IPO11: variants seen among roughly 807,000 people sequenced by gnomAD.
The protein encoded by IPO11 is importin-11.
A neutral mutation model predicts 143.2 loss-of-function variants in IPO11; 66 were observed. The observed-to-expected ratio is 0.46, with a 90% CI of 0.38 to 0.57. The LOEUF (loss-of-function observed/expected upper bound fraction) is 0.57, where lower values mean the gene tolerates loss of function less well. IPO11 is among the 20% of genes least tolerant of loss of function. The pLI is 0.00. For synonymous variants in IPO11, 385 were observed against 377.8 expected (o/e 1.02, Z -0.22); for missense variants, 1,026 against 1,141.0 (o/e 0.90, Z 1.45).
chr5:62,451,783 C>G lies in IPO11; in HGVS notation c.366C>G (p.Pro122=), dbSNP rs749620572. 1 of 1,614,132 alleles carries G rather than the reference C, an allele frequency of 6.2e-7. No homozygotes were observed. Among genetic ancestry groups the G allele is most frequent in the South Asian group, 1.1e-5 (1 of 91,076 alleles). The change falls in exon 5 of 30, where the codon CCC becomes CCG. Residue 122 remains proline (P), a synonymous_variant. Coordinates refer to ENST00000325324, the MANE Select transcript of IPO11 (RefSeq NM_016338.5). ...LIAKVARLDC[P]RQWPELIPTL... is the part of the protein sequence containing the mutation. ...CAAAAGTTGCTAGATTGGATTGTCC[C>G]AGACAGTGGCCTGAACTAATTCCCA... is the stretch of plus-strand genomic sequence containing the variant.
chr5:62,438,831 G>A (rs777817902), intron 2 of IPO11, among the ~76,000 whole-genome samples: 5 of 151,944 alleles, frequency 3.3e-5, no homozygotes, highest in African/African-American at 9.7e-5. Flanking sequence ...AGGCCAAGGC[G>A]GGCGAATCAC....
At chr5:62,589,289 T>C (rs1744925512) in intron 27 of IPO11, among the ~76,000 whole-genome samples, 1 of 152,172 alleles carries the variant, frequency 6.6e-6, no homozygotes. Context: ...CTTCCTCAGC[T>C]TAGAACCTGA....
At chr5:62,486,589 T>C (rs1746414768) in intron 12 of IPO11, among the ~76,000 whole-genome samples, 1 of 152,228 alleles carries the variant, frequency 6.6e-6, no homozygotes, top group Non-Finnish European at 1.5e-5. Flanking sequence ...AGCTCTTCTT[T>C]TTAAGATTTG....
intron 7 of IPO11, among the ~76,000 whole-genome samples, chr5:62,471,057 G>GC (rs1357426609): frequency 2.6e-5 from 4 of 151,332 alleles, no homozygotes; most frequent in Admixed American, 6.6e-5. Flanking sequence ...TGAACTCCTG[G>GC]CCTCAAGTGA....
chr5:62,424,459 GTC>G (rs570610458), intron 1 of IPO11, among the ~76,000 whole-genome samples: 9 of 151,576 alleles, frequency 5.9e-5, no homozygotes, highest in African/African-American at 1.7e-4. Context: ...TTGAGAAGAA[GTC>G]TCTCTCTGTT....
intron 29 of IPO11, among the ~76,000 whole-genome samples, chr5:62,603,282 G>A (rs969867456): frequency 6.6e-6 from 1 of 152,144 alleles, no homozygotes; most frequent in African/African-American, 2.4e-5. Context: ...CTTGTTTTTG[G>A]TGAATCAGTG....
chr5:62,518,538 C>T lies in IPO11; in HGVS notation c.1896+3037C>T, dbSNP rs560659556. ...GTGAGGTGTGAGAATTGCTTGAACC[C>T]GGGAGGCAGAGGTTGCAGTGAGCCA... is the stretch of plus-strand genomic sequence containing the variant. On this transcript the variant is annotated intron_variant, in intron 20 of 29. Transcript: ENST00000325324. Among the ~76,000 whole-genome samples the T allele has an allele frequency of 1.8e-4, 27 of 152,078 alleles. 2 individuals carry two copies. In the South Asian group the frequency reaches 3.7e-3, roughly 21 times the overall value.
At chr5:62,554,068 G>A (rs923636488) in intron 26 of IPO11, among the ~76,000 whole-genome samples, 31 of 152,130 alleles carry the variant, frequency 2.0e-4, no homozygotes, top group African/African-American at 6.8e-4. Flanking sequence ...TTGGCCATTC[G>A]TATGTCTTCG....
chr5:62,420,286 C>G (rs1237073541), intron 1 of IPO11, among the ~76,000 whole-genome samples: 5 of 140,726 alleles, frequency 3.6e-5, no homozygotes, highest in African/African-American at 1.1e-4. Flanking sequence ...AGTGAAGCTC[C>G]GTCTCAAAAA....
chr5:62,543,679 A>C (rs930352302), intron 24 of IPO11, among the ~76,000 whole-genome samples: 8 of 151,744 alleles, frequency 5.3e-5, no homozygotes, highest in Non-Finnish European at 1.2e-4. Context: ...TTGTGTCTCT[A>C]TTTCCTTCAG....
At chr5:62,613,114 T>C (rs1010687148) in intron 29 of IPO11, among the ~76,000 whole-genome samples, 12 of 152,152 alleles carry the variant, frequency 7.9e-5, no homozygotes, top group Non-Finnish European at 1.8e-4. Flanking sequence ...AGACTAAGAA[T>C]TTTTTAGATG....
At chr5:62,541,358 C>T (rs929447865) in intron 24 of IPO11, among the ~76,000 whole-genome samples, 7 of 146,280 alleles carry the variant, frequency 4.8e-5, no homozygotes, top group Admixed American at 2.8e-4. Flanking sequence ...GCAACAAGAG[C>T]GAAACGCTGT....
rs368899335 is a variant in IPO11, at chr5:62,580,847, A to G, written c.2583-10730A>G. The G allele has an allele frequency of 2.0e-4, 303 of 1,551,326 alleles. No homozygotes were observed. The highest frequency in any genetic ancestry group is 2.6e-4 in the Non-Finnish European group (294 of 1,146,866). On this transcript the variant is annotated intron_variant, in intron 27 of 29. Coordinates refer to ENST00000325324, the MANE Select transcript of IPO11 (RefSeq NM_016338.5). ...CCTGCTGGTAGATTTTTTCAAGAGA[A>G]TGCCTTTGGTAATCCATTAGAGACT... is the stretch of plus-strand genomic sequence containing the variant.
Position 62,483,139 on chromosome 5 carries a change from T to C in IPO11, c.867T>C (p.Thr289=). The change falls in exon 10 of 30, where the codon ACT becomes ACC. Residue 289 remains threonine, a synonymous_variant. Transcript: ENST00000325324. ...TGGATCAGCATCCTTTTTCATTTAC[T>C]CCTCTAATTCAGAGATCACTGGAAT... The part of the protein sequence containing the change: ...DFLDQHPFSF[T]PLIQRSLEFS... 2 of 1,606,484 alleles carry C rather than the reference T, an allele frequency of 1.2e-6. No individual in the cohort carries two copies.
chr5:62,549,454 A>G (rs2112346393), intron 24 of IPO11, among the ~76,000 whole-genome samples: 1 of 152,196 alleles, frequency 6.6e-6, no homozygotes, highest in East Asian at 1.9e-4. Flanking sequence ...ATCTCCCTCC[A>G]TGCATGGGAT....
At chr5:62,498,308 C>T (rs952593597) in intron 16 of IPO11, among the ~76,000 whole-genome samples, 2 of 152,266 alleles carry the variant, frequency 1.3e-5, no homozygotes, top group East Asian at 1.9e-4. Flanking sequence ...GGATTCTATA[C>T]AATAGACCAA....
chr5:62,426,867 T>A (rs1743761192), intron 1 of IPO11, among the ~76,000 whole-genome samples: 1 of 149,518 alleles, frequency 6.7e-6, no homozygotes, highest in Non-Finnish European at 1.5e-5. Context: ...AGAATATTTT[T>A]AAGTTATGAT....
Position 62,598,565 on chromosome 5 carries a change from T to TTGAG in IPO11, c.2679-3199_2679-3198insTGAG, listed in dbSNP as rs770605911. On this transcript the variant is annotated intron_variant, in intron 28 of 29. Transcript: ENST00000325324. ...CTTTCTTTTCTTTCTTTTTTTTTTT[T>TTGAG]ATGGAGTCTTGCCCTGTTGCCCAGC... Among the ~76,000 whole-genome samples the TTGAG allele has an allele frequency of 4.5e-3, 186 of 40,924 alleles. 49 individuals are homozygous for TTGAG. The highest frequency in any genetic ancestry group is 0.011 in the African/African-American group (95 of 8,452). 26.8% of individuals were successfully genotyped at this position (40,924 alleles called of 152,430 possible).
intron 1 of IPO11, among the ~76,000 whole-genome samples, chr5:62,429,561 G>A (rs549329495): frequency 9.4e-5 from 14 of 149,624 alleles, no homozygotes; most frequent in African/African-American, 2.2e-4. Context: ...AATTACAGGC[G>A]CACACCACCA....
Sources: allele counts gnomAD v4.1 joint callset (sites outside exome capture counted in the v4.1 genomes callset), GRCh38; gene constraint gnomAD v4.1.1; transcripts MANE v1.5; gene names NCBI Gene and HGNC (gene_info 2026-07-23, HGNC 2026-07-21).